The following EXOSC10 variants were observed in gnomAD, a reference collection of about 807,000 sequenced individuals.
The protein encoded by EXOSC10 is exosome complex component 10.
Under a neutral mutation model 126.6 loss-of-function variants are expected in EXOSC10, and 94 were observed. The observed-to-expected ratio is 0.74, with a 90% CI of 0.63 to 0.88. The LOEUF (loss-of-function observed/expected upper bound fraction) is 0.88, where lower values mean the gene tolerates loss of function less well. Ranked by LOEUF, EXOSC10 falls within the 40% of genes least tolerant of loss-of-function variation. The pLI, the probability that EXOSC10 is intolerant of heterozygous loss-of-function variation, is 0.00. For synonymous variants in EXOSC10, 395 were observed against 400.8 expected, an observed-to-expected ratio of 0.99 and a Z score of 0.17; for missense variants, 1,041 against 1,100.5, an observed-to-expected ratio of 0.95 and a Z score of 0.77.
chr1:11,073,899 A>AAAAAG (rs377479487), intron 19 of EXOSC10, 35 bp downstream of exon 19: 10,732 of 844,644 alleles, frequency 0.013, 354 homozygotes, highest in South Asian at 0.018. Flanking sequence ...AAAAAAAAAA[A>AAAAAG]AGTCTCTTTT....
Position 11,087,580 on chromosome 1 carries a change from G to A in EXOSC10, c.957C>T (p.Tyr319=), listed in dbSNP as rs139438019. The A allele has an allele frequency of 1.7e-5, 27 of 1,614,022 alleles. No individual in the cohort carries two copies. The African/African-American group carries it at 2.7e-4, about 16-fold the overall frequency. ...EFAVDLEHHS[Y]RSFLGLTCLM... ...GGCAGGTCAGTCCCAGGAAGCTCCT[G>A]TAAGAGTGGTGCTAAACCCCACAGA... The change falls in exon 9 of 25, where the codon TAC becomes TAT. Residue 319 remains tyrosine, a synonymous_variant. Coordinates refer to ENST00000376936, the MANE Select transcript of EXOSC10 (RefSeq NM_001001998.3).
intron 17 of EXOSC10, 65 bp from the exon 18 acceptor site, chr1:11,074,391 A>AAGAG: frequency 8.6e-7 from 1 of 1,160,292 alleles, no homozygotes; most frequent in Non-Finnish European, 1.3e-6. Flanking sequence ...AGATGCAAGC[A>AAGAG]AGAGAGCAAC....
In EXOSC10 at chr1:11,091,174, T is replaced by C; in HGVS notation, c.483A>G (p.Ala161=). 3.7e-6 allele frequency: 6 copies of C among 1,613,686 alleles called. No homozygotes were observed. The highest frequency in any genetic ancestry group is 5.1e-6 in the Non-Finnish European group (6 of 1,179,822). ...CAGATTTTGCTTTTTTGCCATATTC[T>C]GCTGCCTATGATCAATGAATACAAA... ...TVVSSWNRKA[A]EYGKKAKSET... is the part of the protein sequence containing the mutation. The change falls in exon 5 of 25, where the codon GCA becomes GCG. Residue 161 remains alanine (A), a synonymous_variant. Transcript: ENST00000376936.
chr1:11,096,904 C>A (rs562469162), intron 2 of EXOSC10, among the ~76,000 whole-genome samples: 14 of 152,152 alleles, frequency 9.2e-5, no homozygotes, highest in Admixed American at 3.9e-4. Context: ...ATGGTGAAAC[C>A]CCATCTCTAC....
rs566652443 is a variant in EXOSC10, at chr1:11,080,628, CCAGT to C, written c.1587-83_1587-80del. On this transcript the variant is annotated intron_variant, in intron 12 of 24. Coordinates refer to ENST00000376936, the MANE Select transcript of EXOSC10 (RefSeq NM_001001998.3). ...CACGGTGGGGACACATTACATTCAG[CCAGT>C]AAGTTCCATTAGATGCTGTCACATA... The C allele has an allele frequency of 1.2e-3, 1,841 of 1,599,788 alleles. 6 individuals are homozygous for C. The highest frequency in any genetic ancestry group is 2.5e-3 in the Admixed American group (146 of 58,342).
chr1:11,082,524 A>C lies in EXOSC10; in HGVS notation c.1280+164T>G. 3 of 1,452,350 alleles carry C rather than the reference A, an allele frequency of 2.1e-6. No homozygotes were observed. In the South Asian group the frequency reaches 4.4e-5, roughly 21 times the overall value. The allele number at this position is 1,452,350 out of a possible 1,614,324, so 90.0% of individuals were successfully genotyped here. Reference sequence around the variant, plus strand: ...CATAAAGTCCACCTTAGCATTAAAAAATTTCCTACCACTTTTACGCTGCTG... The same window carrying C: ...CATAAAGTCCACCTTAGCATTAAAACATTTCCTACCACTTTTACGCTGCTG... On this transcript the variant is annotated intron_variant, in intron 10 of 24. Transcript: ENST00000376936.
At chr1:11,081,700 A>G (rs1485040233) in intron 10 of EXOSC10, among the ~76,000 whole-genome samples, 1 of 152,210 alleles carries the variant, frequency 6.6e-6, no homozygotes, top group East Asian at 1.9e-4. Context: ...GGGCTCCGTA[A>G]CAGGGAGTGG....
In EXOSC10 at chr1:11,068,100, AC is replaced by A; in HGVS notation, c.2551-17del. Reference sequence around the variant, plus strand: ...CAATGCATTTCTGAAAAGAAAAGAAACCGTTTAAGCTGGGTGGGCACCTTGA... The same window carrying A: ...CAATGCATTTCTGAAAAGAAAAGAAACGTTTAAGCTGGGTGGGCACCTTGA... On this transcript the variant is annotated splice_polypyrimidine_tract_variant and intron_variant, in intron 23 of 24. Coordinates refer to ENST00000376936, the MANE Select transcript of EXOSC10 (RefSeq NM_001001998.3). 1.2e-6 allele frequency: 2 copies of A among 1,613,078 alleles called. No individual in the cohort carries two copies. Among genetic ancestry groups the A allele is most frequent in the Non-Finnish European group, 1.7e-6 (2 of 1,179,120 alleles).
chr1:11,074,659 C>T (rs1404869319), intron 17 of EXOSC10, among the ~76,000 whole-genome samples: 2 of 152,126 alleles, frequency 1.3e-5, no homozygotes, highest in African/African-American at 4.8e-5. Context: ...GTGGTCCACC[C>T]GCCTTGGCTT....
Position 11,070,985 on chromosome 1 carries a change from A to C in EXOSC10, c.2243-12T>G, listed in dbSNP as rs868594476. ...CTGTTCCCGGGCAGCTGCAAGGGAG[A>C]GAACTTGTCTCTGGAGTTGGTGAAT... is the stretch of plus-strand genomic sequence containing the variant. On this transcript the variant is annotated splice_polypyrimidine_tract_variant and intron_variant, in intron 20 of 24. Transcript: ENST00000376936. 6.2e-7 allele frequency: 1 copy of C among 1,612,778 alleles called. No individual in the cohort carries two copies. Among genetic ancestry groups the C allele is most frequent in the Non-Finnish European group, 8.5e-7 (1 of 1,179,460 alleles).
Position 11,080,566 on chromosome 1 carries a change from ACACACACACACACACACACACAC to A in EXOSC10, c.1587-40_1587-18del. 18 of 1,183,194 alleles carry A rather than the reference ACACACACACACACACACACACAC, an allele frequency of 1.5e-5. No homozygotes were observed. Among genetic ancestry groups the A allele is most frequent in the East Asian group, 1.2e-4 (4 of 34,450 alleles). The allele number at this position is 1,183,194 out of a possible 1,614,324, so 73.3% of individuals were successfully genotyped here. ...AGTACATATCTGGAAAAAAAAAAAC[ACACACACACACACACACACACAC>A]ACACACACACACACACGGTGGGGAC... On this transcript the variant is annotated intron_variant, in intron 12 of 24. Coordinates refer to ENST00000376936, the MANE Select transcript of EXOSC10 (RefSeq NM_001001998.3).
At position 11,080,738 on chromosome 1, in the gene EXOSC10, T is replaced by C; in HGVS notation, c.1586+26A>G. On this transcript the variant is annotated intron_variant, in intron 12 of 24. Coordinates refer to ENST00000376936, the MANE Select transcript of EXOSC10 (RefSeq NM_001001998.3). Reference sequence around the variant, plus strand: ...TAGATCTCCTCAGTCTGGAAACAAGTATTAAAAGAACCTCTAATCCCTTAC... The same window carrying C: ...TAGATCTCCTCAGTCTGGAAACAAGCATTAAAAGAACCTCTAATCCCTTAC... The C allele has an allele frequency of 3.1e-6, 5 of 1,613,554 alleles. No homozygotes were observed. In the South Asian group the frequency reaches 5.5e-5, roughly 18 times the overall value.
At position 11,070,721 on chromosome 1, in the gene EXOSC10, C is replaced by T. The variant is rs1332175570; in HGVS notation, c.2316+179G>A. On this transcript the variant is annotated intron_variant, in intron 21 of 24. Coordinates refer to ENST00000376936, the MANE Select transcript of EXOSC10 (RefSeq NM_001001998.3). Reference sequence around the variant, plus strand: ...AGAAGGTTAAGAGGAATTACAATATCAATCTTGTGGAGGTTTCGGAAATGA... The same window carrying T: ...AGAAGGTTAAGAGGAATTACAATATTAATCTTGTGGAGGTTTCGGAAATGA... The T allele has an allele frequency of 8.5e-6, 5 of 590,360 alleles. No homozygotes were observed. In the East Asian group the frequency reaches 1.4e-4, roughly 16 times the overall value. 36.6% of individuals were successfully genotyped at this position (590,360 alleles called of 1,614,324 possible). A position where few individuals can be genotyped will look rare whatever the true frequency, so the allele number is the denominator to read the frequency against.
At chr1:11,091,442 T>C (rs775151506) in intron 4 of EXOSC10, 51 bp downstream of exon 4, 17 of 1,481,986 alleles carry the variant, frequency 1.1e-5, no homozygotes, top group Non-Finnish European at 1.5e-5. Flanking sequence ...GAGCAAAATC[T>C]CTGTTATGAA....
Position 11,091,072 on chromosome 1 carries a change from G to C in EXOSC10, c.585C>G (p.Asn195Lys). The C allele has an allele frequency of 5.0e-6, 8 of 1,614,198 alleles. No homozygotes were observed. Among genetic ancestry groups the C allele is most frequent in the Non-Finnish European group, 6.8e-6 (8 of 1,180,018 alleles). Residue 195 changes from asparagine to lysine, a missense_variant, in exon 5 of 25, where the codon AAC (asparagine) becomes AAG (lysine). By Grantham distance (94) the Asn-to-Lys change is moderately conservative. This residue lies in a region of EXOSC10 where 645 missense variants were observed against 656.3 expected (regional missense o/e 0.98). Coordinates refer to ENST00000376936, the MANE Select transcript of EXOSC10 (RefSeq NM_001001998.3). ...LKFREKIDNS[N>K]TPFLPKIFIK... ...TGAAGATTTTAGGAAGAAATGGTGT[G>C]TTGGAATTGTCAATCTTCTCTCGAA...
At position 11,088,768 on chromosome 1, in the gene EXOSC10, C is replaced by G. The variant is rs996289928; in HGVS notation, c.759-570G>C. On this transcript the variant is annotated intron_variant, in intron 6 of 24. Coordinates refer to ENST00000376936, the MANE Select transcript of EXOSC10 (RefSeq NM_001001998.3). ...GGGGCTAAAGGCATGAATGCCCAGA[C>G]AGACTCTGGCTCTATGTGAGGAAAA... Among the ~76,000 whole-genome samples, 15 of 152,344 alleles carry G rather than the reference C, an allele frequency of 9.8e-5. 1 individual carries two copies. Among genetic ancestry groups the G allele is most frequent in the Middle Eastern group, 6.8e-3 (2 of 294 alleles).
intron 8 of EXOSC10, 98 bp from the exon 9 acceptor site, chr1:11,087,689 T>C (rs1640570765): frequency 2.0e-6 from 3 of 1,515,802 alleles, no homozygotes; most frequent in Admixed American, 2.0e-5. Context: ...CTAAGTTATA[T>C]GATTAATTTT....
At chr1:11,072,956 ATAAG>A (rs1219897907) in intron 19 of EXOSC10, 2 of 152,234 alleles carry the variant, frequency 1.3e-5, no homozygotes, top group Non-Finnish European at 2.9e-5. Context: ...AACAAGCCAG[ATAAG>A]TAAGATAGAG....
At chr1:11,096,392 C>T (rs1378323074) in intron 2 of EXOSC10, among the ~76,000 whole-genome samples, 1 of 152,008 alleles carries the variant, frequency 6.6e-6, no homozygotes, top group African/African-American at 2.4e-5. Context: ...CTGAAGTGAT[C>T]CACCTGCCTC....
Sources: gnomAD v4.1 joint callset for allele counts (sites outside exome capture counted in the v4.1 genomes callset) on GRCh38, gnomAD v4.1.1 for gene constraint, gnomAD v4.1.1 regional missense constraint, MANE v1.5 for transcripts, NCBI Gene and HGNC (gene_info 2026-07-23, HGNC 2026-07-21) for gene names.